XRN2: variants seen among roughly 807,000 people sequenced by gnomAD.
The protein encoded by XRN2 is 5'-3' exoribonuclease 2, also known as DHM1-like protein.
Under a neutral mutation model 138.5 loss-of-function variants are expected in XRN2, and 44 were observed. The observed-to-expected ratio is 0.32, with a 90% confidence interval of 0.25 to 0.41. The LOEUF (loss-of-function observed/expected upper bound fraction) is 0.41, where lower values mean the gene tolerates loss of function less well. Ranked by LOEUF, XRN2 falls within the 10% of genes least tolerant of loss-of-function variation. The pLI is 1.00. For missense variants in XRN2, 937 were observed against 1,169.3 expected, an observed-to-expected ratio of 0.80 and a Z score of 2.90; for synonymous variants, 354 against 369.4, an observed-to-expected ratio of 0.96 and a Z score of 0.48.
At chr20:21,385,848 C>CA (rs1483837868) in intron 28 of XRN2, among the ~76,000 whole-genome samples, 1 of 152,192 alleles carries the variant, frequency 6.6e-6, no homozygotes, top group African/African-American at 2.4e-5. Flanking sequence ...ACCAGCTAGT[C>CA]AGCACTTCAG....
At chr20:21,376,028 C>T (rs1196130178) in intron 27 of XRN2, among the ~76,000 whole-genome samples, 2 of 152,074 alleles carry the variant, frequency 1.3e-5, no homozygotes, top group African/African-American at 2.4e-5. Context: ...TTAGTAGAGA[C>T]GGGGTTTCAC....
intron 26 of XRN2, 42 bp from the exon 27 acceptor site, chr20:21,368,421 T>C: frequency 6.2e-7 from 1 of 1,611,228 alleles, no homozygotes; most frequent in African/African-American, 1.3e-5. Flanking sequence ...GATGGGTATA[T>C]CACTATACAA....
chr20:21,346,779 C>A (rs1018856433), intron 17 of XRN2, among the ~76,000 whole-genome samples: 1 of 151,914 alleles, frequency 6.6e-6, no homozygotes, highest in Non-Finnish European at 1.5e-5. Flanking sequence ...CCACCACACC[C>A]GGCTAATTTT....
chr20:21,378,433 T>C (rs2038848862), intron 27 of XRN2, among the ~76,000 whole-genome samples: 1 of 152,092 alleles, frequency 6.6e-6, no homozygotes, highest in South Asian at 2.1e-4. Flanking sequence ...CACAGTGTAG[T>C]AGAGAGTGGT....
intron 27 of XRN2, among the ~76,000 whole-genome samples, chr20:21,372,603 TTTA>T (rs1466744035): frequency 1.3e-5 from 2 of 152,260 alleles, no homozygotes; most frequent in African/African-American, 2.4e-5. Context: ...AGTGTTTCTT[TTTA>T]TTATTTCATG....
At chr20:21,337,498 C>CT (rs1357144382) in intron 13 of XRN2, among the ~76,000 whole-genome samples, 1 of 152,108 alleles carries the variant, frequency 6.6e-6, no homozygotes. Flanking sequence ...AATGGAGATG[C>CT]TAAGTATGGA....
At chr20:21,320,366 C>T (rs2038022386) in intron 1 of XRN2, among the ~76,000 whole-genome samples, 1 of 151,926 alleles carries the variant, frequency 6.6e-6, no homozygotes. Flanking sequence ...GTGGCACGAT[C>T]TCGGCTTACT....
At chr20:21,372,813 A>G (rs1463918337) in intron 27 of XRN2, among the ~76,000 whole-genome samples, 1 of 151,476 alleles carries the variant, frequency 6.6e-6, no homozygotes, top group Non-Finnish European at 1.5e-5. Flanking sequence ...CTTTCCAGGC[A>G]CTACCCCCTG....
chr20:21,363,324 T>C (rs1167311914), intron 24 of XRN2, among the ~76,000 whole-genome samples: 1 of 152,130 alleles, frequency 6.6e-6, no homozygotes, highest in Non-Finnish European at 1.5e-5. Flanking sequence ...TTCTAATAGT[T>C]TGGCAAAGTG....
chr20:21,372,803 C>T (rs147608068), intron 27 of XRN2, among the ~76,000 whole-genome samples: 1 of 151,838 alleles, frequency 6.6e-6, no homozygotes, highest in African/African-American at 2.4e-5. Context: ...CCATTGTGTC[C>T]TTTCCAGGCA....
intron 27 of XRN2, among the ~76,000 whole-genome samples, chr20:21,372,381 T>G (rs1287836826): frequency 1.3e-5 from 2 of 151,968 alleles, no homozygotes; most frequent in Non-Finnish European, 2.9e-5. Context: ...TTGGGTGGTG[T>G]TAAGCATAGC....
chr20:21,321,308 T>C, intron 1 of XRN2, among the ~76,000 whole-genome samples: 1 of 22,140 alleles, frequency 4.5e-5, no homozygotes, highest in Non-Finnish European at 1.0e-4. Context: ...TGGCTGTGTG[T>C]GTGTGTGTGT....
In XRN2 at chr20:21,331,958, A is replaced by C. The variant is rs918599740; in HGVS notation, c.700+140A>C. The C allele has an allele frequency of 4.3e-6, 4 of 925,704 alleles. No homozygotes were observed. In the African/African-American group the frequency reaches 5.1e-5, roughly 12 times the overall value. 57.3% of individuals were successfully genotyped at this position (925,704 alleles called of 1,614,324 possible). Reference sequence around the variant, plus strand: ...ATTTTATGTTCGACAGGGAACTAGTATTGAGTTGCTGTTTAATCTGTGGTC... The same window carrying C: ...ATTTTATGTTCGACAGGGAACTAGTCTTGAGTTGCTGTTTAATCTGTGGTC... On this transcript the variant is annotated intron_variant, in intron 8 of 29. Transcript: ENST00000377191.
Position 21,365,712 on chromosome 20 carries a change from G to T in XRN2, c.2456+8G>T. The T allele has an allele frequency of 6.2e-7, 1 of 1,603,136 alleles. No individual in the cohort carries two copies. Among genetic ancestry groups the T allele is most frequent in the Non-Finnish European group, 8.5e-7 (1 of 1,175,776 alleles). The stretch of plus-strand genomic sequence containing the variant: ...AGCCTTCAGGACTTTGGGGTGAGTT[G>T]TCAGTTTTTAGCCCTTGTATATTTT... On this transcript the variant is annotated splice_region_variant and intron_variant, in intron 26 of 29. Transcript: ENST00000377191.
intron 15 of XRN2, among the ~76,000 whole-genome samples, chr20:21,341,057 A>AGTT (rs1410044671): frequency 1.3e-5 from 2 of 152,150 alleles, no homozygotes; most frequent in Non-Finnish European, 2.9e-5. Flanking sequence ...AAGAGCACGT[A>AGTT]GGATTGTTGA....
intron 1 of XRN2, among the ~76,000 whole-genome samples, chr20:21,320,036 C>G (rs1205848486): frequency 2.0e-5 from 3 of 152,020 alleles, no homozygotes; most frequent in African/African-American, 7.2e-5. Flanking sequence ...CTTTAGTAAA[C>G]TTTTTGTAAC....
intron 3 of XRN2, 21 bp downstream of exon 3, chr20:21,326,622 AAGCCTC>A (rs778055599): frequency 3.2e-6 from 5 of 1,584,796 alleles, no homozygotes; most frequent in Non-Finnish European, 3.4e-6. Context: ...AAATAATTAG[AAGCCTC>A]CATTTTGTTT....
At chr20:21,321,801 C>T (rs2038049978) in intron 1 of XRN2, among the ~76,000 whole-genome samples, 1 of 152,170 alleles carries the variant, frequency 6.6e-6, no homozygotes, top group Admixed American at 6.5e-5. Context: ...TTACCAGTTT[C>T]ACTGGGGAGC....
chr20:21,356,775 T>A, intron 23 of XRN2, 110 bp downstream of exon 23: 2 of 972,398 alleles, frequency 2.1e-6, no homozygotes, highest in African/African-American at 1.7e-5. Flanking sequence ...AAATTGTATT[T>A]AAAATAAGAC....
Sources: allele counts gnomAD v4.1 joint callset (sites outside exome capture counted in the v4.1 genomes callset), GRCh38; gene constraint gnomAD v4.1.1; transcripts MANE v1.5; gene names NCBI Gene and HGNC (gene_info 2026-07-23, HGNC 2026-07-21).